Variants in USP13 observed in about 807,000 individuals in gnomAD.
The protein encoded by USP13 is ubiquitin specific peptidase 13.
USP13 carries 68 observed loss-of-function variants against 107.8 expected under a neutral mutation model. The observed-to-expected ratio is 0.63, with a 90% confidence interval of 0.52 to 0.77. USP13 has a LOEUF of 0.77. USP13 is among the 30% of genes least tolerant of loss of function. The probability of loss-of-function intolerance (pLI) is 0.00; values close to 1 mark genes in which losing one functional copy is unlikely to be tolerated. For missense variants in USP13, 945 were observed against 1,093.3 expected, an observed-to-expected ratio of 0.86 and a Z score of 1.91; for synonymous variants, 377 against 389.5, an observed-to-expected ratio of 0.97 and a Z score of 0.38.
intron 8 of USP13, 102 bp from the exon 9 acceptor site, chr3:179,730,074 AGATTGTTTAGTTT>A: frequency 2.2e-6 from 2 of 913,666 alleles, no homozygotes; most frequent in Middle Eastern, 2.3e-4. Context: ...TTCTTCAGGT[AGATTGTTTAGTTT>A]GACAAAGGGG....
chr3:179,774,527 G>A (rs970560758), intron 19 of USP13, among the ~76,000 whole-genome samples: 11 of 147,564 alleles, frequency 7.5e-5, no homozygotes, highest in Non-Finnish European at 1.3e-4. Flanking sequence ...GGAGTTGTTC[G>A]TTCCTCCTGT....
chr3:179,776,869 T>G (rs1461540051), intron 19 of USP13, among the ~76,000 whole-genome samples: 8 of 147,978 alleles, frequency 5.4e-5, no homozygotes, highest in Non-Finnish European at 9.0e-5. Flanking sequence ...TTTTTTTTTT[T>G]TTTTTTTTTT....
At chr3:179,702,404 G>A (rs1362272803) in intron 4 of USP13, among the ~76,000 whole-genome samples, 2 of 152,204 alleles carry the variant, frequency 1.3e-5, no homozygotes, top group African/African-American at 4.8e-5. Context: ...GGGCCAGGGT[G>A]GGTTGAGTTT....
intron 4 of USP13, among the ~76,000 whole-genome samples, chr3:179,704,635 G>A (rs569363879): frequency 3.3e-5 from 5 of 152,150 alleles, no homozygotes; most frequent in Non-Finnish European, 7.3e-5. Context: ...AACCCATAAA[G>A]CCTGGAAGGG....
rs191891819 is a variant in USP13 at position 179,789,401 on chromosome 3, A to T, written c.*5260A>T. On this transcript the variant is annotated 3_prime_UTR_variant, in exon 21 of 21. Transcript: ENST00000263966. ...TTTTAAATTAAAAGCTATTCTCACA[A>T]TCTGAGGCCCTTTATGGCTCTTTTT... 6.6e-6 allele frequency: 1 copy of T among 152,224 alleles called. No individual in the cohort carries two copies. Among genetic ancestry groups the T allele is most frequent in the Non-Finnish European group, 1.5e-5 (1 of 68,038 alleles). The allele number at this position is 152,224 out of a possible 1,614,324, so 9.4% of individuals were successfully genotyped here.
At position 179,765,841 on chromosome 3, in the gene USP13, A is replaced by T. The variant is rs1168836542; in HGVS notation, c.2406A>T (p.Gly802=). Reference sequence around the variant, plus strand: ...CCGAAGGACCTAGAGTCAAGGATGGATCTGGAAGTAAGTTCTTGCCTTAGA... The same window carrying T: ...CCGAAGGACCTAGAGTCAAGGATGGTTCTGGAAGTAAGTTCTTGCCTTAGA... ...AKPEGPRVKD[G]SGTYELFAFI... is the part of the protein sequence containing the mutation. The change falls in exon 19 of 21, where the codon GGA becomes GGT. Residue 802 remains glycine, a synonymous_variant. Transcript: ENST00000263966. The T allele has an allele frequency of 1.9e-6, 3 of 1,614,062 alleles. No individual in the cohort carries two copies. In the South Asian group the frequency reaches 3.3e-5, roughly 18 times the overall value.
At chr3:179,766,505 T>C (rs1715180606) in intron 19 of USP13, among the ~76,000 whole-genome samples, 1 of 152,180 alleles carries the variant, frequency 6.6e-6, no homozygotes, top group Non-Finnish European at 1.5e-5. Context: ...AGTAGCAAAG[T>C]GGTCTCATCC....
chr3:179,760,779 T>C (rs993413864), intron 16 of USP13, among the ~76,000 whole-genome samples: 3 of 152,182 alleles, frequency 2.0e-5, no homozygotes, highest in Admixed American at 1.3e-4. Flanking sequence ...GTTTCAGTCA[T>C]AGGAGAGGCT....
At chr3:179,685,044 A>G (rs1711820651) in intron 2 of USP13, among the ~76,000 whole-genome samples, 1 of 152,174 alleles carries the variant, frequency 6.6e-6, no homozygotes, top group Admixed American at 6.5e-5. Context: ...TGCCTAGCAT[A>G]TAGTAGGTGC....
chr3:179,695,620 T>A (rs1257648280), intron 3 of USP13, among the ~76,000 whole-genome samples: 1 of 152,058 alleles, frequency 6.6e-6, no homozygotes, highest in Non-Finnish European at 1.5e-5. Context: ...AGGATTAAAA[T>A]TTTTTTTCAA....
intron 19 of USP13, among the ~76,000 whole-genome samples, chr3:179,777,050 G>A (rs1242946909): frequency 2.0e-5 from 3 of 151,988 alleles, no homozygotes; most frequent in African/African-American, 7.3e-5. Context: ...TTCCTAGCAG[G>A]AGGTCGTGAA....
intron 13 of USP13, 123 bp from the exon 14 acceptor site, chr3:179,752,159 TTCC>T (rs1714635239): frequency 1.1e-5 from 8 of 746,786 alleles, no homozygotes; most frequent in East Asian, 5.0e-5. Flanking sequence ...TGTTTGCATG[TTCC>T]TCCTCTTCAG....
intron 1 of USP13, among the ~76,000 whole-genome samples, chr3:179,672,546 G>A (rs1422143525): frequency 6.6e-6 from 1 of 151,268 alleles, no homozygotes; most frequent in Non-Finnish European, 1.5e-5. Flanking sequence ...CACCATGCGC[G>A]GCTAATTTTT....
chr3:179,747,286 AT>A (rs1245265445), intron 13 of USP13, among the ~76,000 whole-genome samples: 2 of 152,192 alleles, frequency 1.3e-5, no homozygotes, highest in African/African-American at 4.8e-5. Context: ...GATGGAAGCA[AT>A]TTTTTAAAAT....
chr3:179,730,271 G>C lies in USP13; in HGVS notation c.1160+11G>C. 1 of 1,501,724 alleles carries C rather than the reference G, an allele frequency of 6.7e-7. No individual in the cohort carries two copies. The highest frequency in any genetic ancestry group is 8.8e-7 in the Non-Finnish European group (1 of 1,135,098). The allele number at this position is 1,501,724 out of a possible 1,614,324, so 93.0% of individuals were successfully genotyped here. A position where few individuals can be genotyped will look rare whatever the true frequency, so the allele number is the denominator to read the frequency against. On this transcript the variant is annotated intron_variant, in intron 9 of 20. Coordinates refer to ENST00000263966, the MANE Select transcript of USP13 (RefSeq NM_003940.3). ...TTTCAACACACAGATGTAAGTGCCAGATTTGTATTTTTTTTTTTCTAGAAA... is the reference window on the plus strand; with the variant it reads ...TTTCAACACACAGATGTAAGTGCCACATTTGTATTTTTTTTTTTCTAGAAA...
intron 6 of USP13, among the ~76,000 whole-genome samples, chr3:179,716,024 A>C (rs1713101482): frequency 6.6e-6 from 1 of 152,072 alleles, no homozygotes; most frequent in Admixed American, 6.5e-5. Flanking sequence ...TCCCAGGTTC[A>C]AGTGTTTCTC....
At chr3:179,666,876 A>G (rs116741126) in intron 1 of USP13, among the ~76,000 whole-genome samples, 2,552 of 152,306 alleles carry the variant, frequency 0.017, 91 homozygotes, top group African/African-American at 0.059. Flanking sequence ...AGGGGGCTAG[A>G]CTGGCCTGGG....
In USP13 at chr3:179,653,634, C is replaced by G; in HGVS notation, c.168+241C>G. On this transcript the variant is annotated intron_variant, in intron 1 of 20. Coordinates refer to ENST00000263966, the MANE Select transcript of USP13 (RefSeq NM_003940.3). This position sits in a 1 kb window ranked among gnomAD's most constrained non-coding sequence, Gnocchi z 4.0. ...CCCCAGGCTGGAAGGGCCCGATTCC[C>G]AGCAGCTTGCACACAGCCCCGCCGC... 1.9e-6 allele frequency: 1 copy of G among 527,294 alleles called. No individual in the cohort carries two copies. Among genetic ancestry groups the G allele is most frequent in the East Asian group, 3.5e-5 (1 of 28,848 alleles). 32.7% of individuals were successfully genotyped at this position (527,294 alleles called of 1,614,324 possible). A position where few individuals can be genotyped will look rare whatever the true frequency, so the allele number is the denominator to read the frequency against.
Position 179,690,249 on chromosome 3 carries a change from A to T in USP13, c.303A>T (p.Arg101Ser). The change falls in exon 3 of 21, where the codon AGA (arginine) becomes AGT (serine). Residue 101 changes from arginine (R) to serine (S), a missense_variant. Transcript: ENST00000263966. ...TTTTGTTTTCTTTTCAGAAGGTAAG[A>T]GGGGCGTCTGGTGGAGCGTTACCAA... ...HLKRHVREKV[R>S]GASGGALPKR... 3.7e-6 allele frequency: 6 copies of T among 1,613,822 alleles called. No individual in the cohort carries two copies. The highest frequency in any genetic ancestry group is 5.1e-6 in the Non-Finnish European group (6 of 1,179,876).
Sources: allele counts gnomAD v4.1 joint callset (sites outside exome capture counted in the v4.1 genomes callset), GRCh38; gene constraint gnomAD v4.1.1; non-coding constraint Gnocchi (gnomAD v3.1); transcripts MANE v1.5; gene names NCBI Gene and HGNC (gene_info 2026-07-23, HGNC 2026-07-21).